Variants in MTF2 observed in about 807,000 individuals in gnomAD.
MTF2 encodes the protein metal response element binding transcription factor 2, also known as metal-response element-binding transcription factor 2.
Under a neutral mutation model 79.5 loss-of-function variants are expected in MTF2, and 11 were observed. The observed-to-expected ratio is 0.14, with a 90% confidence interval of 0.09 to 0.23. MTF2 has a LOEUF of 0.23. Among genes scored for constraint, MTF2 ranks in the 10% least tolerant of loss-of-function variants. The pLI, the probability that MTF2 is intolerant of heterozygous loss-of-function variation, is 1.00. For missense variants in MTF2, 486 were observed against 711.2 expected (o/e 0.68, Z 3.60); for synonymous variants, 208 against 232.8 (o/e 0.89, Z 0.97).
rs564615447 is a variant in MTF2 at position 93,079,288 on chromosome 1, G to C, written c.-239G>C. 1 of 553,938 alleles carries C rather than the reference G, an allele frequency of 1.8e-6. No homozygotes were observed. The highest frequency in any genetic ancestry group is 2.3e-5 in the South Asian group (1 of 43,090). The allele number at this position is 553,938 out of a possible 1,614,324, so 34.3% of individuals were successfully genotyped here. A position where few individuals can be genotyped will look rare whatever the true frequency, so the allele number is the denominator to read the frequency against. ...CGCTCCCAGAATGCACCGGCAGTCC[G>C]CGGGAAACCAAAATGGCGAGGGGCT... On this transcript the variant is annotated 5_prime_UTR_variant, in exon 1 of 15. Coordinates refer to ENST00000370298, the MANE Select transcript of MTF2 (RefSeq NM_007358.4).
chr1:93,109,740 G>A (rs747648387), intron 1 of MTF2, among the ~76,000 whole-genome samples: 1 of 152,052 alleles, frequency 6.6e-6, no homozygotes, highest in Admixed American at 6.5e-5. Flanking sequence ...GTGATTCCCT[G>A]TAAGGAGAAG....
At chr1:93,122,566 A>T (rs1480795350) in intron 9 of MTF2, among the ~76,000 whole-genome samples, 3 of 152,152 alleles carry the variant, frequency 2.0e-5, no homozygotes, top group Non-Finnish European at 4.4e-5. Flanking sequence ...CTTCAGTAAT[A>T]ATACATGTTT....
chr1:93,086,033 C>G (rs1325740874), intron 1 of MTF2, among the ~76,000 whole-genome samples: 1 of 152,188 alleles, frequency 6.6e-6, no homozygotes, highest in Non-Finnish European at 1.5e-5. Context: ...ACCAACATCA[C>G]TGCAAACACA....
At chr1:93,099,404 A>G (rs1315359396) in intron 1 of MTF2, among the ~76,000 whole-genome samples, 2 of 152,224 alleles carry the variant, frequency 1.3e-5, no homozygotes, top group African/African-American at 4.8e-5. Context: ...ATTTTAAGAC[A>G]TTAAGGATAA....
At chr1:93,113,752 T>C (rs961132340) in intron 3 of MTF2, among the ~76,000 whole-genome samples, 1 of 152,190 alleles carries the variant, frequency 6.6e-6, no homozygotes, top group East Asian at 1.9e-4. Context: ...TCAGGGTCTT[T>C]GGGTTAGTTA....
At chr1:93,087,577 A>AG (rs950819541) in intron 1 of MTF2, among the ~76,000 whole-genome samples, 9 of 151,686 alleles carry the variant, frequency 5.9e-5, no homozygotes, top group East Asian at 3.9e-4. Flanking sequence ...GTCTCAAAAA[A>AG]AAAAAAAAGC....
At chr1:93,121,409 A>G (rs1656471686) in intron 9 of MTF2, 1 of 868,436 alleles carries the variant, frequency 1.2e-6, no homozygotes, top group Non-Finnish European at 1.4e-6. Context: ...AAAACTAAAA[A>G]ATTTGTTTTA....
chr1:93,124,660 C>T (rs1419109600), intron 9 of MTF2, among the ~76,000 whole-genome samples: 8 of 151,826 alleles, frequency 5.3e-5, no homozygotes, highest in African/African-American at 1.9e-4. Flanking sequence ...ACAAAAATTC[C>T]TTGGGGCTTA....
Position 93,114,733 on chromosome 1 carries a change from A to C in MTF2, c.332A>C (p.Glu111Ala). 1 of 1,612,852 alleles carries C rather than the reference A, an allele frequency of 6.2e-7. No homozygotes were observed. The change falls in exon 4 of 15, where the codon GAG becomes GCG. Residue 111 changes from glutamate to alanine, a missense_variant. By Grantham distance (107) the Glu-to-Ala change is moderately radical. Coordinates refer to ENST00000370298, the MANE Select transcript of MTF2 (RefSeq NM_007358.4). ...ATGGTCTGTACAATATGTCAAGAAG[A>C]GTATTCAGAAGCTCCCAATGAAATG... is the stretch of plus-strand genomic sequence containing the variant. ...GEMVCTICQE[E>A]YSEAPNEMVI...
chr1:93,118,838 G>A (rs942304977), intron 7 of MTF2, among the ~76,000 whole-genome samples: 3 of 152,212 alleles, frequency 2.0e-5, no homozygotes, highest in Non-Finnish European at 4.4e-5. Flanking sequence ...GAAGAATGCA[G>A]GGTAGCACAG....
At chr1:93,134,048 T>C (rs776505812) in intron 13 of MTF2, 43 bp from the exon 14 acceptor site, 1 of 1,546,260 alleles carries the variant, frequency 6.5e-7, no homozygotes, top group East Asian at 2.2e-5. Flanking sequence ...ATTTGTTTGT[T>C]ATATAATATA....
At chr1:93,085,476 CTTTTT>C (rs71094225) in intron 1 of MTF2, among the ~76,000 whole-genome samples, 3 of 99,582 alleles carry the variant, frequency 3.0e-5, no homozygotes, top group Non-Finnish European at 6.1e-5. Context: ...TGCACCCGGC[CTTTTT>C]TTTTTTTTTT....
chr1:93,102,897 C>T (rs1177691666), intron 1 of MTF2, among the ~76,000 whole-genome samples: 3 of 151,886 alleles, frequency 2.0e-5, no homozygotes, highest in South Asian at 2.1e-4. Context: ...TTTGGAAGGC[C>T]GAGGCGGGCA....
intron 4 of MTF2, 38 bp downstream of exon 4, chr1:93,114,821 A>G: frequency 1.3e-6 from 2 of 1,482,174 alleles, no homozygotes; most frequent in Non-Finnish European, 1.9e-6. Context: ...TACATACTGA[A>G]TGACTATGTT....
Position 93,133,821 on chromosome 1 carries a change from G to C in MTF2, c.1266+13G>C. 6.3e-7 allele frequency: 1 copy of C among 1,576,266 alleles called. No homozygotes were observed. The highest frequency in any genetic ancestry group is 8.7e-7 in the Non-Finnish European group (1 of 1,149,276). On this transcript the variant is annotated intron_variant, in intron 12 of 14. Transcript: ENST00000370298. ...TGAGCCACTTTTGGTAAGAGGATAT[G>C]TTGGTATATGTTCTCAAGAAGAAGG...
At chr1:93,119,811 A>G (rs41286823) in intron 8 of MTF2, 13,747 of 156,900 alleles carry the variant, frequency 0.088, 689 homozygotes, top group African/African-American at 0.13. Flanking sequence ...TACAGTAAGT[A>G]CTTACAAATC....
chr1:93,097,632 C>T lies in MTF2; in HGVS notation c.6-12598C>T, dbSNP rs951436801. Reference sequence around the variant, plus strand: ...TTTTTTTTTGAGATGGAGTCTCACTCTGTCGCCCAGGCAGGAGTGTAGCGG... The same window carrying T: ...TTTTTTTTTGAGATGGAGTCTCACTTTGTCGCCCAGGCAGGAGTGTAGCGG... On this transcript the variant is annotated intron_variant, in intron 1 of 14. Transcript: ENST00000370298. 3.3e-5 allele frequency among the ~76,000 whole-genome samples: 5 copies of T among 152,206 alleles called. No homozygotes were observed. The South Asian group carries it at 1.0e-3, about 32-fold the overall frequency.
intron 3 of MTF2, among the ~76,000 whole-genome samples, chr1:93,111,494 A>C (rs557719082): frequency 1.3e-5 from 2 of 152,280 alleles, no homozygotes; most frequent in Admixed American, 1.3e-4. Context: ...GGTTTCTGCC[A>C]TGTTTTAGTT....
At chr1:93,085,571 C>T (rs1654802854) in intron 1 of MTF2, among the ~76,000 whole-genome samples, 1 of 149,534 alleles carries the variant, frequency 6.7e-6, no homozygotes. Flanking sequence ...ACTGTACCCT[C>T]AAACTCCCGG....
Sources: gnomAD v4.1 joint callset for allele counts (sites outside exome capture counted in the v4.1 genomes callset) on GRCh38, gnomAD v4.1.1 for gene constraint, MANE v1.5 for transcripts, NCBI Gene and HGNC (gene_info 2026-07-23, HGNC 2026-07-21) for gene names.